The following BCL7B variants were observed in gnomAD, a reference collection of about 807,000 sequenced individuals.
The protein encoded by BCL7B is BAF chromatin remodeling complex subunit BCL7B, also known as B-cell CLL/lymphoma 7 protein family member B.
A neutral mutation model predicts 26.5 loss-of-function variants in BCL7B; 11 were observed. The ratio of observed to expected loss-of-function variants is 0.42; its 90% CI spans 0.26 to 0.69. The LOEUF (loss-of-function observed/expected upper bound fraction) is 0.69, where lower values mean the gene tolerates loss of function less well. BCL7B is among the 30% of genes least tolerant of loss of function. The pLI is 0.28. For synonymous variants in BCL7B, 111 were observed against 107.9 expected, an observed-to-expected ratio of 1.03 and a Z score of -0.18; for missense variants, 215 against 264.4, an observed-to-expected ratio of 0.81 and a Z score of 1.30.
intron 3 of BCL7B, among the ~76,000 whole-genome samples, chr7:73,540,829 CAAAAAA>C (rs56111929): frequency 9.8e-5 from 5 of 50,940 alleles, no homozygotes; most frequent in African/African-American, 4.0e-4. Context: ...GACTCTGTCT[CAAAAAA>C]AAAAAAAAAA....
intron 3 of BCL7B, chr7:73,542,922 A>G: frequency 2.3e-6 from 1 of 431,634 alleles, no homozygotes; most frequent in Non-Finnish European, 4.6e-6. Flanking sequence ...AAAAAATAAA[A>G]AATAAAAAAT....
At chr7:73,542,796 A>G (rs1554583009) in intron 3 of BCL7B, 2 of 352,272 alleles carry the variant, frequency 5.7e-6, no homozygotes, top group Non-Finnish European at 1.1e-5. Flanking sequence ...TAAAACATAC[A>G]GTCTAGGCCA....
chr7:73,545,892 G>A (rs550639113), intron 2 of BCL7B, among the ~76,000 whole-genome samples: 23 of 152,230 alleles, frequency 1.5e-4, no homozygotes, highest in African/African-American at 5.5e-4. Flanking sequence ...AGCACTGTGG[G>A]AGGCCGAGGT....
At chr7:73,540,186 G>T in intron 3 of BCL7B, 134 bp from the exon 4 acceptor site, 1 of 910,546 alleles carries the variant, frequency 1.1e-6, no homozygotes, top group African/African-American at 1.7e-5. Flanking sequence ...CATTGTGCCC[G>T]GCCTACACGA....
intron 3 of BCL7B, chr7:73,540,298 A>C: frequency 2.3e-6 from 1 of 434,206 alleles, no homozygotes; most frequent in Non-Finnish European, 4.2e-6. Flanking sequence ...TTTATTATCC[A>C]CTGATTGCAG....
At chr7:73,557,248 C>A (rs935737489) in intron 1 of BCL7B, 5 of 1,104,658 alleles carry the variant, frequency 4.5e-6, no homozygotes, top group Non-Finnish European at 5.5e-6. Flanking sequence ...CCCTCCCAGG[C>A]GGCGCGCGGC....
chr7:73,547,109 G>C (rs1791983684), intron 2 of BCL7B, among the ~76,000 whole-genome samples: 1 of 152,024 alleles, frequency 6.6e-6, no homozygotes, highest in African/African-American at 2.4e-5. Flanking sequence ...CTGAGATTGT[G>C]CCATTGCACT....
At chr7:73,544,973 C>G (rs1241114580) in intron 2 of BCL7B, among the ~76,000 whole-genome samples, 1 of 151,840 alleles carries the variant, frequency 6.6e-6, no homozygotes, top group African/African-American at 2.4e-5. Flanking sequence ...GTGGGAGGAT[C>G]GCTTGAGCCT....
chr7:73,543,450 T>C lies in BCL7B; in HGVS notation c.265+98A>G, dbSNP rs544009299. On this transcript the variant is annotated intron_variant, in intron 3 of 5. Transcript: ENST00000223368. Reference sequence around the variant, plus strand: ...GCCTCAGACTCCCAAAGTGCTGAGGTTACAGGTGTGAGTCACTGCACCTGG... The same window carrying C: ...GCCTCAGACTCCCAAAGTGCTGAGGCTACAGGTGTGAGTCACTGCACCTGG... The C allele has an allele frequency of 2.9e-5, 33 of 1,133,302 alleles. No homozygotes were observed. In the East Asian group the frequency reaches 7.1e-4, roughly 24 times the overall value. The allele number at this position is 1,133,302 out of a possible 1,614,324, so 70.2% of individuals were successfully genotyped here. A position where few individuals can be genotyped will look rare whatever the true frequency, so the allele number is the denominator to read the frequency against.
At chr7:73,557,363 C>T in intron 1 of BCL7B, 124 bp downstream of exon 1, 1 of 1,183,844 alleles carries the variant, frequency 8.4e-7, no homozygotes, top group Non-Finnish European at 1.1e-6. Context: ...GCCCTCCTCC[C>T]GCCTTCTCCC....
At chr7:73,549,191 A>G (rs897314815) in intron 2 of BCL7B, among the ~76,000 whole-genome samples, 7 of 152,152 alleles carry the variant, frequency 4.6e-5, no homozygotes, top group Non-Finnish European at 1.0e-4. Context: ...GACAACCTCA[A>G]TATCTACAGG....
intron 1 of BCL7B, chr7:73,557,113 A>G (rs1052213961): frequency 6.0e-6 from 6 of 994,512 alleles, no homozygotes; most frequent in African/African-American, 1.7e-5. Flanking sequence ...ACTCGCTATT[A>G]TCAAGAGGAA....
chr7:73,536,414 C>A lies in BCL7B; in HGVS notation c.*884G>T, dbSNP rs1791528901. The A allele has an allele frequency of 6.6e-6, 1 of 152,462 alleles. No individual in the cohort carries two copies. The highest frequency in any genetic ancestry group is 1.5e-5 in the Non-Finnish European group (1 of 68,014). 9.4% of individuals were successfully genotyped at this position (152,462 alleles called of 1,614,324 possible). ...TATTCAGTGCTAAAATATGTCTTCA[C>A]TCACTGTTGCCCATTTCCATTTTCT... On this transcript the variant is annotated 3_prime_UTR_variant, in exon 6 of 6. Transcript: ENST00000223368.
In BCL7B at chr7:73,557,579, G is replaced by T. The variant is rs781851753; in HGVS notation, c.-1C>A. On this transcript the variant is annotated 5_prime_UTR_variant, in exon 1 of 6. Transcript: ENST00000223368. ...CCGCCCGGACCGACCGGCCCGACAT[G>T]GCGGCGGCGGGAGCGGCGGGGGCCG... 7.6e-7 allele frequency: 1 copy of T among 1,312,906 alleles called. No individual in the cohort carries two copies. Among genetic ancestry groups the T allele is most frequent in the South Asian group, 2.1e-5 (1 of 47,916 alleles). 81.3% of individuals were successfully genotyped at this position (1,312,906 alleles called of 1,614,324 possible). A position where few individuals can be genotyped will look rare whatever the true frequency, so the allele number is the denominator to read the frequency against.
chr7:73,538,979 G>C (rs1206956731), intron 4 of BCL7B, among the ~76,000 whole-genome samples: 2 of 150,692 alleles, frequency 1.3e-5, no homozygotes, highest in African/African-American at 4.9e-5. Context: ...GTTTTTTTTT[G>C]AGATGAAGTC....
chr7:73,543,185 T>TC (rs1393773966), intron 3 of BCL7B, among the ~76,000 whole-genome samples: 1 of 152,024 alleles, frequency 6.6e-6, no homozygotes, highest in East Asian at 1.9e-4. Flanking sequence ...AATTCTTTTT[T>TC]TTTTTTTTTG....
intron 3 of BCL7B, among the ~76,000 whole-genome samples, chr7:73,540,943 T>G (rs1791748101): frequency 6.6e-6 from 1 of 150,888 alleles, no homozygotes; most frequent in Non-Finnish European, 1.5e-5. Flanking sequence ...GGTCAGAAGT[T>G]TGAGACCAGC....
chr7:73,557,380 C>A (rs1283176818), intron 1 of BCL7B, 107 bp downstream of exon 1: 8 of 1,180,710 alleles, frequency 6.8e-6, no homozygotes, highest in African/African-American at 3.2e-5. Context: ...TCCCGCACCC[C>A]CCTCCCCCAG....
At chr7:73,544,147 G>A (rs1266771378) in intron 2 of BCL7B, among the ~76,000 whole-genome samples, 2 of 152,132 alleles carry the variant, frequency 1.3e-5, no homozygotes, top group African/African-American at 2.4e-5. Flanking sequence ...CCAGCCGGGC[G>A]CACTGGTTCA....
Sources: gnomAD v4.1 joint callset for allele counts (sites outside exome capture counted in the v4.1 genomes callset) on GRCh38, gnomAD v4.1.1 for gene constraint, MANE v1.5 for transcripts, NCBI Gene and HGNC (gene_info 2026-07-23, HGNC 2026-07-21) for gene names.